PLCXD2: variants seen among roughly 807,000 people sequenced by gnomAD.
The protein encoded by PLCXD2 is PI-PLC X domain-containing protein 2.
PLCXD2 carries 21 observed loss-of-function variants against 28.6 expected under a neutral mutation model. The observed-to-expected ratio is 0.73, with a 90% CI of 0.52 to 1.06. The LOEUF is 1.06. Among genes scored for constraint, PLCXD2 ranks in the 50% least tolerant of loss-of-function variants. The pLI is 0.00. For synonymous variants in PLCXD2, 140 were observed against 150.1 expected (o/e 0.93, Z 0.49); for missense variants, 369 against 376.7 (o/e 0.98, Z 0.17).
chr3:111,709,087 C>G (rs1231638652), intron 2 of PLCXD2, among the ~76,000 whole-genome samples: 1 of 104,344 alleles, frequency 9.6e-6, no homozygotes, highest in Non-Finnish European at 2.2e-5. Context: ...AATTTACACT[C>G]TCTGGAAAAA....
intron 3 of PLCXD2, chr3:111,723,914 T>A (rs1012031501): frequency 6.6e-6 from 1 of 152,244 alleles, no homozygotes; most frequent in Non-Finnish European, 1.5e-5. Context: ...GCTACTTGAT[T>A]GAGCCAAAGA....
intron 3 of PLCXD2, among the ~76,000 whole-genome samples, chr3:111,714,353 T>C (rs2107869074): frequency 6.6e-6 from 1 of 152,330 alleles, no homozygotes; most frequent in East Asian, 1.9e-4. Context: ...ATAAATACTG[T>C]ACTCTCTAAA....
At chr3:111,686,408 G>A (rs943858194) in intron 1 of PLCXD2, among the ~76,000 whole-genome samples, 1 of 152,134 alleles carries the variant, frequency 6.6e-6, no homozygotes, top group East Asian at 1.9e-4. Context: ...TTTAATAGGC[G>A]ACTGATTAAA....
Position 111,681,096 on chromosome 3 carries a change from T to C in PLCXD2, c.163+5688T>C, listed in dbSNP as rs544139607. On this transcript the variant is annotated intron_variant, in intron 1 of 4. Coordinates refer to ENST00000477665, the MANE Select transcript of PLCXD2 (RefSeq NM_001185106.1). ...TGGCTGTCCAATTAAACTGTCTGAC[T>C]CAGTGTTCTCTGTCTGATCAGATTA... Among the ~76,000 whole-genome samples, 100 of 152,326 alleles carry C rather than the reference T, an allele frequency of 6.6e-4. 1 individual carries two copies. The highest frequency in any genetic ancestry group is 6.8e-3 in the Middle Eastern group (2 of 294).
intron 1 of PLCXD2, among the ~76,000 whole-genome samples, chr3:111,700,943 A>T (rs930128742): frequency 1.3e-5 from 2 of 152,126 alleles, no homozygotes; most frequent in African/African-American, 2.4e-5. Context: ...AAGATTTTCA[A>T]TGTGGGTGAT....
chr3:111,705,995 G>T (rs1941112952), intron 1 of PLCXD2, among the ~76,000 whole-genome samples: 1 of 151,894 alleles, frequency 6.6e-6, no homozygotes, highest in African/African-American at 2.4e-5. Flanking sequence ...AGCTGGGACT[G>T]CAGGTGTGCA....
intron 1 of PLCXD2, among the ~76,000 whole-genome samples, chr3:111,692,966 A>G (rs1264985279): frequency 6.6e-6 from 1 of 152,180 alleles, no homozygotes; most frequent in East Asian, 1.9e-4. Context: ...TGTATCTTCC[A>G]CCAGCTTATA....
chr3:111,698,851 A>G (rs1940999161), intron 1 of PLCXD2, among the ~76,000 whole-genome samples: 1 of 152,184 alleles, frequency 6.6e-6, no homozygotes, highest in South Asian at 2.1e-4. Flanking sequence ...AGGCATTTCT[A>G]TTCCTTATTT....
In PLCXD2 at chr3:111,680,197, A is replaced by G. The variant is rs796900489; in HGVS notation, c.163+4789A>G. Among the ~76,000 whole-genome samples, 33 of 152,294 alleles carry G rather than the reference A, an allele frequency of 2.2e-4. 1 individual carries two copies. The highest frequency in any genetic ancestry group is 7.9e-4 in the African/African-American group (33 of 41,570). On this transcript the variant is annotated intron_variant, in intron 1 of 4. Transcript: ENST00000477665. ...TTCCCACATGTGTGACATGGAGACA[A>G]AATCCCTTAGTGGAGCAGGATGGAG... is the stretch of plus-strand genomic sequence containing the variant.
chr3:111,686,054 C>A (rs1357894852), intron 1 of PLCXD2, among the ~76,000 whole-genome samples: 2 of 152,116 alleles, frequency 1.3e-5, no homozygotes, highest in Non-Finnish European at 2.9e-5. Context: ...CTTTGGTGCC[C>A]CTCTGGCAAT....
intron 1 of PLCXD2, among the ~76,000 whole-genome samples, chr3:111,696,613 T>C (rs1204627159): frequency 6.6e-6 from 1 of 152,176 alleles, no homozygotes; most frequent in Non-Finnish European, 1.5e-5. Context: ...AGAGAAAGAA[T>C]ATGCAAATTA....
intron 1 of PLCXD2, among the ~76,000 whole-genome samples, chr3:111,693,996 C>A (rs1470502642): frequency 6.6e-6 from 1 of 152,208 alleles, no homozygotes; most frequent in Admixed American, 6.5e-5. Context: ...TAATAGGCTA[C>A]CCCTTCAAGC....
chr3:111,680,020 C>T (rs1389642372), intron 1 of PLCXD2, among the ~76,000 whole-genome samples: 1 of 152,186 alleles, frequency 6.6e-6, no homozygotes, highest in Non-Finnish European at 1.5e-5. Flanking sequence ...CACTGCTCTC[C>T]GATTCCCAGA....
chr3:111,689,247 A>T (rs575477573), intron 1 of PLCXD2, among the ~76,000 whole-genome samples: 1 of 152,348 alleles, frequency 6.6e-6, no homozygotes, highest in African/African-American at 2.4e-5. Flanking sequence ...AATGCCCAAA[A>T]TTAGAGATGA....
intron 1 of PLCXD2, among the ~76,000 whole-genome samples, chr3:111,707,489 C>T (rs1941137414): frequency 6.6e-6 from 1 of 152,138 alleles, no homozygotes; most frequent in Non-Finnish European, 1.5e-5. Flanking sequence ...ATAAGAGACA[C>T]TTAAGCATTA....
intron 2 of PLCXD2, among the ~76,000 whole-genome samples, chr3:111,711,009 A>G (rs67923296): frequency 0.14 from 20,743 of 152,198 alleles, 1,578 homozygotes; most frequent in African/African-American, 0.19. Context: ...TGAAGGAAAG[A>G]GACTGTGATG....
rs796137540 is a variant in PLCXD2, at chr3:111,701,197, A to G, written c.164-6729A>G. The stretch of plus-strand genomic sequence containing the variant: ...AATAATTACAGTTCAGCACTTACTA[A>G]GTGTCAGTATTGTTCAAAGCACTTT... On this transcript the variant is annotated intron_variant, in intron 1 of 4. Transcript: ENST00000477665. Among the ~76,000 whole-genome samples the G allele has an allele frequency of 6.6e-4, 100 of 152,072 alleles. 1 individual carries two copies. Among genetic ancestry groups the G allele is most frequent in the African/African-American group, 2.4e-3 (98 of 41,314 alleles).
intron 3 of PLCXD2, among the ~76,000 whole-genome samples, chr3:111,715,014 A>G (rs1941250245): frequency 6.6e-6 from 1 of 152,178 alleles, no homozygotes; most frequent in African/African-American, 2.4e-5. Flanking sequence ...ATCCAAAAAC[A>G]TGTTTCTATT....
chr3:111,678,339 C>A (rs1254452484), intron 1 of PLCXD2, among the ~76,000 whole-genome samples: 1 of 152,178 alleles, frequency 6.6e-6, no homozygotes, highest in Non-Finnish European at 1.5e-5. Flanking sequence ...CATTTGATGT[C>A]TGAAGGATAA....
Sources: allele counts gnomAD v4.1 joint callset (sites outside exome capture counted in the v4.1 genomes callset), GRCh38; gene constraint gnomAD v4.1.1; transcripts MANE v1.5; gene names NCBI Gene and HGNC (gene_info 2026-07-23, HGNC 2026-07-21).